Variants in DYTN observed in about 807,000 individuals in gnomAD.
DYTN encodes the protein dystrotelin.
A neutral mutation model predicts 69.6 loss-of-function variants in DYTN; 75 were observed. The ratio of observed to expected loss-of-function variants is 1.08; its 90% CI spans 0.89 to 1.31. The LOEUF is 1.31. DYTN is among the 50% of genes most tolerant of loss of function. The probability of loss-of-function intolerance (pLI) is 0.00; values close to 1 mark genes in which losing one functional copy is unlikely to be tolerated. For synonymous variants in DYTN, 252 were observed against 249.1 expected, an observed-to-expected ratio of 1.01 and a Z score of -0.11; for missense variants, 726 against 688.4, an observed-to-expected ratio of 1.05 and a Z score of -0.61.
chr2:206,658,458 CT>C (rs1472454771), intron 11 of DYTN, among the ~76,000 whole-genome samples: 1 of 147,524 alleles, frequency 6.8e-6, no homozygotes, highest in African/African-American at 2.5e-5. Flanking sequence ...CAAGACTGGC[CT>C]CATACAGAAG....
chr2:206,679,405 C>A lies in DYTN; in HGVS notation c.981-13376G>T, dbSNP rs1574593338. 1.3e-5 allele frequency among the ~76,000 whole-genome samples: 2 copies of A among 152,240 alleles called. 1 individual carries two copies. The highest frequency in any genetic ancestry group is 4.8e-5 in the African/African-American group (2 of 41,538). On this transcript the variant is annotated intron_variant, in intron 9 of 11. Transcript: ENST00000452335. ...TCAATTTTCCCTTCTCCTTGACAAT[C>A]TAGACATGAGAATGCAAAGAATTCA...
chr2:206,693,420 G>T, intron 8 of DYTN, 97 bp from the exon 9 acceptor site: 2 of 1,450,980 alleles, frequency 1.4e-6, no homozygotes, highest in Non-Finnish European at 1.8e-6. Flanking sequence ...AAAGTTTTTG[G>T]AATTATTTCT....
intron 11 of DYTN, among the ~76,000 whole-genome samples, chr2:206,656,910 A>C (rs1268076052): frequency 6.6e-6 from 1 of 151,864 alleles, no homozygotes. Flanking sequence ...TTAAAGGTGC[A>C]TGCCACCACG....
intron 11 of DYTN, among the ~76,000 whole-genome samples, chr2:206,655,586 A>AT (rs1175165457): frequency 5.2e-4 from 77 of 147,600 alleles, no homozygotes; most frequent in African/African-American, 1.8e-3. Context: ...ATTAAAAAAA[A>AT]ATTTTTTTTT....
At chr2:206,671,675 G>C (rs1337257657) in intron 9 of DYTN, among the ~76,000 whole-genome samples, 1 of 152,088 alleles carries the variant, frequency 6.6e-6, no homozygotes, top group East Asian at 1.9e-4. Context: ...AACACTTAGG[G>C]AGAACAATGA....
At chr2:206,672,449 A>C (rs1404019161) in intron 9 of DYTN, among the ~76,000 whole-genome samples, 1 of 152,266 alleles carries the variant, frequency 6.6e-6, no homozygotes, top group Admixed American at 6.5e-5. Context: ...GTAGCTCCTT[A>C]TTTGTCCTCA....
intron 8 of DYTN, among the ~76,000 whole-genome samples, chr2:206,693,806 A>G (rs1034964940): frequency 5.3e-5 from 8 of 152,244 alleles, no homozygotes; most frequent in Admixed American, 4.6e-4. Context: ...GAGATGTCTC[A>G]TTTCAAGGGT....
intron 8 of DYTN, 69 bp downstream of exon 8, chr2:206,694,697 G>T: frequency 7.6e-7 from 1 of 1,308,258 alleles, no homozygotes; most frequent in South Asian, 1.7e-5. Flanking sequence ...TGGAGGGAAG[G>T]TTTTTTCATG....
chr2:206,661,488 T>C (rs1276907039), intron 11 of DYTN, among the ~76,000 whole-genome samples: 1 of 152,178 alleles, frequency 6.6e-6, no homozygotes, highest in Non-Finnish European at 1.5e-5. Flanking sequence ...TCCACTTATA[T>C]GTGAATTTTC....
chr2:206,686,308 A>G (rs2105895357), intron 9 of DYTN, among the ~76,000 whole-genome samples: 1 of 152,362 alleles, frequency 6.6e-6, no homozygotes, highest in South Asian at 2.1e-4. Flanking sequence ...CAAAGAAAAG[A>G]TATGATTAAA....
chr2:206,682,475 C>T (rs1044776495), intron 9 of DYTN, among the ~76,000 whole-genome samples: 1 of 151,712 alleles, frequency 6.6e-6, no homozygotes, highest in South Asian at 2.1e-4. Flanking sequence ...GGTTTTCTTC[C>T]CTCTCCATTC....
intron 9 of DYTN, among the ~76,000 whole-genome samples, chr2:206,683,442 C>T (rs1241978000): frequency 6.8e-6 from 1 of 147,050 alleles, no homozygotes; most frequent in Non-Finnish European, 1.5e-5. Context: ...CTCCCGGGTT[C>T]AAGTGATTCT....
intron 10 of DYTN, among the ~76,000 whole-genome samples, chr2:206,664,726 C>A (rs1036049566): frequency 6.6e-6 from 1 of 152,180 alleles, no homozygotes; most frequent in Non-Finnish European, 1.5e-5. Context: ...GGAAAACTTG[C>A]ATCCTACCAC....
chr2:206,705,171 A>G (rs999732607), intron 4 of DYTN: 2 of 510,330 alleles, frequency 3.9e-6, no homozygotes, highest in African/African-American at 3.9e-5. Context: ...ATCTTGGCTC[A>G]CTGCAACCTC....
chr2:206,704,507 A>G (rs1028488025), intron 5 of DYTN, among the ~76,000 whole-genome samples: 20 of 152,338 alleles, frequency 1.3e-4, no homozygotes, highest in Admixed American at 1.2e-3. Context: ...ATCTGTACCT[A>G]TAGACAGATA....
rs778675685 is a variant in DYTN, at chr2:206,665,972, G to C, written c.1038C>G (p.Ser346=). 129 of 1,613,776 alleles carry C rather than the reference G, an allele frequency of 8.0e-5. No individual in the cohort carries two copies. Among genetic ancestry groups the C allele is most frequent in the Non-Finnish European group, 1.1e-4 (125 of 1,179,872 alleles). Residue 346 remains serine, a synonymous_variant, in exon 10 of 12, where the codon TCC becomes TCG. Transcript: ENST00000452335. ...CAAATCGACAAATTCTTTCTTCCTG[G>C]GAGGTGTATATAGCTTGCAACTTGT... ...YKDKLQAIYT[S]QEERICRFET...
chr2:206,664,573 A>C (rs908722056), intron 10 of DYTN, among the ~76,000 whole-genome samples: 10 of 152,140 alleles, frequency 6.6e-5, no homozygotes, highest in Non-Finnish European at 1.5e-4. Context: ...AGGCGGGAGG[A>C]TTGCTTGAGC....
chr2:206,697,226 G>T (rs766927839), intron 7 of DYTN, among the ~76,000 whole-genome samples: 1 of 152,138 alleles, frequency 6.6e-6, no homozygotes, highest in Non-Finnish European at 1.5e-5. Flanking sequence ...TATGAGAATG[G>T]TTATTGTGTG....
intron 3 of DYTN, 149 bp downstream of exon 3, chr2:206,707,153 A>T: frequency 3.2e-6 from 3 of 944,676 alleles, no homozygotes; most frequent in Non-Finnish European, 4.7e-6. Context: ...CCTTTGTTCT[A>T]CTCCTGAGGA....
Sources: allele counts gnomAD v4.1 joint callset (sites outside exome capture counted in the v4.1 genomes callset), GRCh38; gene constraint gnomAD v4.1.1; transcripts MANE v1.5; gene names NCBI Gene and HGNC (gene_info 2026-07-23, HGNC 2026-07-21).